Variants in WDFY3 observed in about 807,000 individuals in gnomAD.
WDFY3 encodes WD repeat and FYVE domain containing 3.
Under a neutral mutation model 409.6 loss-of-function variants are expected in WDFY3, and 66 were observed. The observed-to-expected ratio is 0.16, with a 90% confidence interval of 0.13 to 0.20. The LOEUF (loss-of-function observed/expected upper bound fraction) is 0.20, where lower values mean the gene tolerates loss of function less well. WDFY3 is among the 10% of genes least tolerant of loss of function. The pLI is 1.00. For synonymous variants in WDFY3, 1,521 were observed against 1,537.1 expected, an observed-to-expected ratio of 0.99 and a Z score of 0.25; for missense variants, 3,031 against 4,298.1, an observed-to-expected ratio of 0.71 and a Z score of 8.24.
At chr4:84,798,786 A>G (rs1749961919) in intron 17 of WDFY3, among the ~76,000 whole-genome samples, 1 of 152,140 alleles carries the variant, frequency 6.6e-6, no homozygotes, top group East Asian at 1.9e-4. Flanking sequence ...TGTGACACCA[A>G]TATTGCCCCA....
intron 25 of WDFY3, among the ~76,000 whole-genome samples, chr4:84,782,068 CCTAT>C (rs967465193): frequency 6.6e-6 from 1 of 152,074 alleles, no homozygotes; most frequent in African/African-American, 2.4e-5. Context: ...GTCTCAAGAT[CCTAT>C]CTAACAAAAA....
intron 21 of WDFY3, among the ~76,000 whole-genome samples, chr4:84,793,050 T>C (rs1325866044): frequency 6.6e-6 from 1 of 152,156 alleles, no homozygotes; most frequent in East Asian, 1.9e-4. Context: ...ATTTGAGAAA[T>C]ATTAGGGAGG....
chr4:84,783,085 G>A lies in WDFY3; in HGVS notation c.4063-11C>T. ...TGAGGAAATGCCTAACTGAAAAATA[G>A]GAAAGGAAAAGAATGTAATTATATA... On this transcript the variant is annotated splice_polypyrimidine_tract_variant and intron_variant, in intron 24 of 67. Coordinates refer to ENST00000295888, the MANE Select transcript of WDFY3 (RefSeq NM_014991.6). 6.2e-7 allele frequency: 1 copy of A among 1,607,240 alleles called. No individual in the cohort carries two copies. The highest frequency in any genetic ancestry group is 8.5e-7 in the Non-Finnish European group (1 of 1,174,886).
intron 2 of WDFY3, among the ~76,000 whole-genome samples, chr4:84,908,055 A>G (rs1263580227): frequency 6.6e-6 from 1 of 152,162 alleles, no homozygotes; most frequent in Non-Finnish European, 1.5e-5. Flanking sequence ...ATATATAAGT[A>G]CCAGTTGGAT....
chr4:84,921,446 A>C (rs1240177206), intron 2 of WDFY3, among the ~76,000 whole-genome samples: 1 of 152,034 alleles, frequency 6.6e-6, no homozygotes, highest in East Asian at 1.9e-4. Context: ...TAGTGTTAAA[A>C]TGTTAGCATT....
At chr4:84,846,925 G>A (rs80294247) in intron 5 of WDFY3, among the ~76,000 whole-genome samples, 1 of 151,804 alleles carries the variant, frequency 6.6e-6, no homozygotes, top group African/African-American at 2.4e-5. Context: ...GGAAGCAGAA[G>A]TAAATAAGCA....
intron 57 of WDFY3, 138 bp downstream of exon 57, chr4:84,696,594 G>T: frequency 1.4e-6 from 1 of 729,400 alleles, no homozygotes; most frequent in Non-Finnish European, 2.2e-6. Flanking sequence ...GGGGTTCTTG[G>T]GATGTATCCC....
At chr4:84,830,587 AT>A (rs1755567287) in intron 8 of WDFY3, among the ~76,000 whole-genome samples, 1 of 152,206 alleles carries the variant, frequency 6.6e-6, no homozygotes, top group Admixed American at 6.5e-5. Context: ...AAATAAGTAG[AT>A]TGCTTGAGAT....
intron 1 of WDFY3, among the ~76,000 whole-genome samples, chr4:84,964,674 A>G (rs575816464): frequency 5.3e-5 from 8 of 152,206 alleles, no homozygotes; most frequent in Admixed American, 5.2e-4. Context: ...GAGGTGATAC[A>G]AATTTTTTGA....
chr4:84,877,160 T>C (rs955799307), intron 3 of WDFY3, among the ~76,000 whole-genome samples: 2 of 152,156 alleles, frequency 1.3e-5, no homozygotes, highest in East Asian at 1.9e-4. Context: ...GGCCTGACGT[T>C]CTTCATGCCC....
intron 3 of WDFY3, among the ~76,000 whole-genome samples, chr4:84,871,327 G>A (rs1762104430): frequency 6.6e-6 from 1 of 152,068 alleles, no homozygotes; most frequent in South Asian, 2.1e-4. Context: ...AAAAGAGAAG[G>A]AGTGAAATAG....
At position 84,849,966 on chromosome 4, in the gene WDFY3, G is replaced by C; in HGVS notation, c.240C>G (p.Phe80Leu). 6.2e-7 allele frequency: 1 copy of C among 1,610,442 alleles called. No homozygotes were observed. The highest frequency in any genetic ancestry group is 8.5e-7 in the Non-Finnish European group (1 of 1,178,780). Reference sequence around the variant, plus strand: ...CCATTAGTCGTGAGACTTGTGTTGTGAACTGCAGAAGATCAGAAAATTTTT... The same window carrying C: ...CCATTAGTCGTGAGACTTGTGTTGTCAACTGCAGAAGATCAGAAAATTTTT... ...MTEKFSDLLQ[F>L]TTQVSRLMVT... Residue 80 changes from phenylalanine to leucine, a missense_variant, in exon 5 of 68, where the codon TTC becomes TTG. Phe to Leu is a conservative substitution (Grantham distance 22). Coordinates refer to ENST00000295888, the MANE Select transcript of WDFY3 (RefSeq NM_014991.6).
intron 15 of WDFY3, among the ~76,000 whole-genome samples, chr4:84,805,515 AC>A: frequency 6.6e-6 from 1 of 152,176 alleles, no homozygotes; most frequent in Non-Finnish European, 1.5e-5. Flanking sequence ...CACAGGTATC[AC>A]CTTTTAAATT....
chr4:84,741,471 T>C (rs1303016825), intron 38 of WDFY3, among the ~76,000 whole-genome samples: 2 of 151,938 alleles, frequency 1.3e-5, no homozygotes, highest in East Asian at 3.9e-4. Flanking sequence ...CGCACCAACA[T>C]GCCTGGCTAA....
chr4:84,889,254 A>G (rs1764627492), intron 3 of WDFY3, among the ~76,000 whole-genome samples: 1 of 152,192 alleles, frequency 6.6e-6, no homozygotes, highest in African/African-American at 2.4e-5. Context: ...TATTCCTCAT[A>G]AAACATAAAT....
chr4:84,679,382 T>A, intron 64 of WDFY3, 140 bp from the exon 65 acceptor site: 1 of 864,902 alleles, frequency 1.2e-6, no homozygotes, highest in Non-Finnish European at 1.6e-6. Context: ...AAAAAGAAAG[T>A]AAGTGCCAGG....
intron 14 of WDFY3, chr4:84,808,939 A>G (rs1752003174): frequency 6.6e-6 from 1 of 152,332 alleles, no homozygotes; most frequent in South Asian, 2.1e-4. Flanking sequence ...AAGAAGCAGG[A>G]AATATCTCAG....
chr4:84,678,327 C>CA lies in WDFY3; in HGVS notation c.10148-49dup, dbSNP rs759602305. 7 of 1,394,704 alleles carry CA rather than the reference C, an allele frequency of 5.0e-6. No individual in the cohort carries two copies. The African/African-American group carries it at 9.9e-5, about 20-fold the overall frequency. 86.4% of individuals were successfully genotyped at this position (1,394,704 alleles called of 1,614,324 possible). On this transcript the variant is annotated intron_variant, in intron 65 of 67. Coordinates refer to ENST00000295888, the MANE Select transcript of WDFY3 (RefSeq NM_014991.6). ...ACAACATAACTCAACTGAGAGAAGC[C>CA]AATACTGGGGAGAACTACTCTAAGA...
At chr4:84,895,862 A>G (rs1288397753) in intron 3 of WDFY3, among the ~76,000 whole-genome samples, 1 of 152,182 alleles carries the variant, frequency 6.6e-6, no homozygotes, top group Non-Finnish European at 1.5e-5. Context: ...AGGTTGGGTG[A>G]TACGAACAAT....
Sources: gnomAD v4.1 joint callset for allele counts (sites outside exome capture counted in the v4.1 genomes callset) on GRCh38, gnomAD v4.1.1 for gene constraint, MANE v1.5 for transcripts, NCBI Gene and HGNC (gene_info 2026-07-23, HGNC 2026-07-21) for gene names.